Variants in LIMK1 observed in about 807,000 individuals in gnomAD.
The protein encoded by LIMK1 is LIM domain kinase 1, also known as LIM motif-containing protein kinase.
A neutral mutation model predicts 77.6 loss-of-function variants in LIMK1; 21 were observed. The observed-to-expected ratio is 0.27, with a 90% CI of 0.19 to 0.39. The LOEUF (loss-of-function observed/expected upper bound fraction) is 0.39. Among genes scored for constraint, LIMK1 ranks in the 10% least tolerant of loss-of-function variants. The pLI, the probability that LIMK1 is intolerant of heterozygous loss-of-function variation, is 1.00. For synonymous variants in LIMK1, 358 were observed against 370.0 expected (o/e 0.97, Z 0.37); for missense variants, 696 against 901.6 (o/e 0.77, Z 2.92).
intron 2 of LIMK1, chr7:74,093,099 G>T: frequency 7.1e-7 from 1 of 1,399,694 alleles, no homozygotes; most frequent in South Asian, 1.7e-5. Context: ...GCACCCACGC[G>T]GCTGCAGCCT....
chr7:74,114,387 C>A (rs1405560742), intron 12 of LIMK1, among the ~76,000 whole-genome samples: 1 of 151,452 alleles, frequency 6.6e-6, no homozygotes, highest in Non-Finnish European at 1.5e-5. Flanking sequence ...TTTGTCTCTA[C>A]AAAAAAATTA....
At chr7:74,104,807 T>C (rs1342017192) in intron 5 of LIMK1, among the ~76,000 whole-genome samples, 1 of 152,172 alleles carries the variant, frequency 6.6e-6, no homozygotes, top group African/African-American at 2.4e-5. Context: ...CTCCTGCCAA[T>C]GCAGGAGCAA....
chr7:74,106,836 C>G (rs1163205209), intron 7 of LIMK1, among the ~76,000 whole-genome samples, 174 bp from the exon 8 acceptor site: 1 of 152,184 alleles, frequency 6.6e-6, no homozygotes, highest in African/African-American at 2.4e-5. Flanking sequence ...CAGGATAGGC[C>G]GAGACACTGG....
Position 74,105,992 on chromosome 7 carries a change from A to C in LIMK1, c.714+12A>C, listed in dbSNP as rs782475246. ...TGCCCCTGGACGAGGTACGGTCCTG[A>C]GTCTGTGGGGCAGGACGGGAGGTAG... is the stretch of plus-strand genomic sequence containing the variant. On this transcript the variant is annotated intron_variant, in intron 6 of 15. Coordinates refer to ENST00000336180, the MANE Select transcript of LIMK1 (RefSeq NM_002314.4). The C allele has an allele frequency of 2.5e-6, 4 of 1,613,356 alleles. No homozygotes were observed. Among genetic ancestry groups the C allele is most frequent in the African/African-American group, 2.7e-5 (2 of 74,910 alleles).
chr7:74,099,020 C>T lies in LIMK1; in HGVS notation c.402-12C>T, dbSNP rs368693319. 2.0e-5 allele frequency: 32 copies of T among 1,598,508 alleles called. No individual in the cohort carries two copies. Among genetic ancestry groups the T allele is most frequent in the Middle Eastern group, 1.7e-4 (1 of 6,028 alleles). On this transcript the variant is annotated splice_polypyrimidine_tract_variant and intron_variant, in intron 4 of 15. Transcript: ENST00000336180. ...TGACACTCTTTTCTTCCCACCCCGG[C>T]GGCTCTTGCAGCGGGCACTGCTACT... is the stretch of plus-strand genomic sequence containing the variant.
chr7:74,113,096 G>A (rs1237927448), intron 12 of LIMK1, among the ~76,000 whole-genome samples: 1 of 152,076 alleles, frequency 6.6e-6, no homozygotes, highest in Non-Finnish European at 1.5e-5. Flanking sequence ...CAAGGCAGGT[G>A]GATTGCTTGA....
chr7:74,088,256 C>T (rs1250937418), intron 2 of LIMK1, among the ~76,000 whole-genome samples: 2 of 152,156 alleles, frequency 1.3e-5, no homozygotes, highest in South Asian at 2.1e-4. Context: ...GTGAAATGAA[C>T]ACACTCAGTG....
At chr7:74,093,684 G>C (rs906914784) in intron 2 of LIMK1, among the ~76,000 whole-genome samples, 2 of 152,154 alleles carry the variant, frequency 1.3e-5, no homozygotes, top group Non-Finnish European at 2.9e-5. Context: ...GCCTGGCTTT[G>C]TCCTACCCTG....
chr7:74,087,000 G>T (rs1407550338), intron 2 of LIMK1, among the ~76,000 whole-genome samples: 1 of 152,176 alleles, frequency 6.6e-6, no homozygotes, highest in Non-Finnish European at 1.5e-5. Context: ...GGACCTGAAG[G>T]TCACCCAGTA....
At chr7:74,094,764 C>T (rs915739551) in intron 2 of LIMK1, among the ~76,000 whole-genome samples, 1 of 151,932 alleles carries the variant, frequency 6.6e-6, no homozygotes, top group African/African-American at 2.4e-5. Context: ...GGTGAACTGC[C>T]GGCCCCCTGC....
chr7:74,097,290 T>C, intron 4 of LIMK1, 101 bp downstream of exon 4: 1 of 646,466 alleles, frequency 1.5e-6, no homozygotes, highest in Non-Finnish European at 2.6e-6. Context: ...CCCTTTCCCA[T>C]GGGGTGAGGT....
At position 74,083,964 on chromosome 7, in the gene LIMK1, C is replaced by A; in HGVS notation, c.-27C>A. On this transcript the variant is annotated 5_prime_UTR_variant, in exon 1 of 16. Transcript: ENST00000336180. The stretch of plus-strand genomic sequence containing the variant: ...GCCCGGCCGCCCCCAGCCCCAGCCC[C>A]GCCGGGCCCCGCCCCCCGTCGAGTG... 8.1e-7 allele frequency: 1 copy of A among 1,229,452 alleles called. No homozygotes were observed. The allele number at this position is 1,229,452 out of a possible 1,614,324, so 76.2% of individuals were successfully genotyped here.
At position 74,096,664 on chromosome 7, in the gene LIMK1, G is replaced by C. The variant is rs1373526740; in HGVS notation, c.195G>C (p.Glu65Asp). ...CCTCCCTGTCGCACCAGTACTATGAGAAGGATGGGCAGCTCTTCTGCAAGA... is the reference window on the plus strand; with the variant it reads ...CCTCCCTGTCGCACCAGTACTATGACAAGGATGGGCAGCTCTTCTGCAAGA... ...CSASLSHQYY[E>D]KDGQLFCKKD... Residue 65 changes from glutamate to aspartate, a missense_variant, in exon 3 of 16, where the codon GAG becomes GAC. Glu to Asp is a conservative substitution (Grantham distance 45, BLOSUM62 2). This residue lies in a region of LIMK1 where 252 missense variants were observed against 279.4 expected (regional missense o/e 0.90). Coordinates refer to ENST00000336180, the MANE Select transcript of LIMK1 (RefSeq NM_002314.4). 6.2e-7 allele frequency: 1 copy of C among 1,614,012 alleles called. No homozygotes were observed. The highest frequency in any genetic ancestry group is 1.3e-5 in the African/African-American group (1 of 74,934).
chr7:74,085,104 A>AG (rs1367172918), intron 1 of LIMK1, among the ~76,000 whole-genome samples: 2 of 152,294 alleles, frequency 1.3e-5, no homozygotes, highest in East Asian at 3.9e-4. Context: ...ACCAGCTCCA[A>AG]GGGTGCCAGG....
chr7:74,088,414 G>A (rs1418550186), intron 2 of LIMK1, among the ~76,000 whole-genome samples: 2 of 152,180 alleles, frequency 1.3e-5, no homozygotes, highest in Non-Finnish European at 2.9e-5. Context: ...AACAGGAACA[G>A]TTCCCTTGGA....
In LIMK1 at chr7:74,122,086, G is replaced by A. The variant is rs1324164309; in HGVS notation, c.*785G>A. 1 of 152,660 alleles carries A rather than the reference G, an allele frequency of 6.6e-6. No homozygotes were observed. The highest frequency in any genetic ancestry group is 1.5e-5 in the Non-Finnish European group (1 of 68,120). 9.5% of individuals were successfully genotyped at this position (152,660 alleles called of 1,614,324 possible). On this transcript the variant is annotated 3_prime_UTR_variant, in exon 16 of 16. Transcript: ENST00000336180. The stretch of plus-strand genomic sequence containing the variant: ...CCGGCAGTGAGAGGATAGGCACAGT[G>A]GACCGGGCAGGTGTCCACCAGCAGC...
intron 5 of LIMK1, among the ~76,000 whole-genome samples, chr7:74,103,382 T>A (rs1392332352): frequency 4.6e-5 from 7 of 151,990 alleles, no homozygotes; most frequent in African/African-American, 1.7e-4. Flanking sequence ...TGAGCCATCG[T>A]ACCTGCCCTC....
chr7:74,089,034 T>C (rs1397187002), intron 2 of LIMK1, among the ~76,000 whole-genome samples: 1 of 152,190 alleles, frequency 6.6e-6, no homozygotes. Flanking sequence ...TTTGTCATAT[T>C]GGCTACCATG....
In LIMK1 at chr7:74,115,844, A is replaced by G; in HGVS notation, c.1453A>G (p.Met485Val). ...GGCTGACTTCGGGCTGGCGCGTCTC[A>G]TGGTGGACGAGAAGACTCAGCCTGA... ...VVADFGLARL[M>V]VDEKTQPEGL... Residue 485 changes from methionine to valine, a missense_variant, in exon 13 of 16, where the codon ATG (methionine) becomes GTG (valine). Met to Val is a conservative substitution (Grantham distance 21). Coordinates refer to ENST00000336180, the MANE Select transcript of LIMK1 (RefSeq NM_002314.4). The G allele has an allele frequency of 1.2e-6, 2 of 1,613,842 alleles. No homozygotes were observed. The highest frequency in any genetic ancestry group is 2.2e-5 in the East Asian group (1 of 44,884).
Sources: gnomAD v4.1 joint callset for allele counts (sites outside exome capture counted in the v4.1 genomes callset) on GRCh38, gnomAD v4.1.1 for gene constraint, gnomAD v4.1.1 regional missense constraint, MANE v1.5 for transcripts, NCBI Gene and HGNC (gene_info 2026-07-23, HGNC 2026-07-21) for gene names.